Variants in ABI1 observed in about 807,000 individuals in gnomAD.
ABI1 encodes the protein Abelson interactor 1.
A neutral mutation model predicts 54.6 loss-of-function variants in ABI1; 14 were observed. The observed-to-expected ratio is 0.26, with a 90% CI of 0.17 to 0.40. The LOEUF (loss-of-function observed/expected upper bound fraction) is 0.40, where lower values mean the gene tolerates loss of function less well. ABI1 is among the 10% of genes least tolerant of loss of function. The pLI, the probability that ABI1 is intolerant of heterozygous loss-of-function variation, is 1.00. For synonymous variants in ABI1, 194 were observed against 209.3 expected, an observed-to-expected ratio of 0.93 and a Z score of 0.63; for missense variants, 443 against 598.3, an observed-to-expected ratio of 0.74 and a Z score of 2.71.
intron 2 of ABI1, among the ~76,000 whole-genome samples, chr10:26,808,580 G>A (rs541436216): frequency 2.6e-5 from 4 of 151,976 alleles, no homozygotes; most frequent in Admixed American, 2.0e-4. Flanking sequence ...AAAATTAGCC[G>A]GGCATGGTGG....
chr10:26,836,305 G>C (rs978496999), intron 1 of ABI1, among the ~76,000 whole-genome samples: 1 of 151,744 alleles, frequency 6.6e-6, no homozygotes, highest in African/African-American at 2.4e-5. Flanking sequence ...TAGAGACAGG[G>C]TTTCACCATG....
At chr10:26,848,184 G>C (rs185371737) in intron 1 of ABI1, among the ~76,000 whole-genome samples, 1 of 127,342 alleles carries the variant, frequency 7.9e-6, no homozygotes, top group African/African-American at 3.1e-5. Context: ...CTGGGCAACA[G>C]AGCGAGACCC....
At chr10:26,799,507 A>G (rs1159032379) in intron 2 of ABI1, among the ~76,000 whole-genome samples, 1 of 152,218 alleles carries the variant, frequency 6.6e-6, no homozygotes, top group Admixed American at 6.5e-5. Context: ...GTGCAACTGC[A>G]CATAAAACTG....
chr10:26,763,535 A>AC (rs1839507196), intron 7 of ABI1, among the ~76,000 whole-genome samples: 1 of 152,052 alleles, frequency 6.6e-6, no homozygotes, highest in Non-Finnish European at 1.5e-5. Flanking sequence ...CTTCACCCTG[A>AC]TCCTTTGACT....
intron 1 of ABI1, among the ~76,000 whole-genome samples, chr10:26,855,863 C>T (rs1038608509): frequency 1.3e-5 from 2 of 149,508 alleles, no homozygotes; most frequent in East Asian, 3.9e-4. Context: ...CTCAACTACT[C>T]GGGAGGCTGG....
chr10:26,860,606 G>C lies in ABI1; in HGVS notation c.117+141C>G, dbSNP rs745439241. ...GGCCACTCGCTCTGTCCCCGGTTGG[G>C]GCTGGGGTTGGGGCTGCGGTAGGGG... is the stretch of plus-strand genomic sequence containing the variant. On this transcript the variant is annotated intron_variant, in intron 1 of 10. Transcript: ENST00000376140. The surrounding 1 kb of genome is among the most constrained non-coding windows in gnomAD (Gnocchi z 4.1). The C allele has an allele frequency of 1.5e-6, 1 of 683,750 alleles. No individual in the cohort carries two copies. Among genetic ancestry groups the C allele is most frequent in the Non-Finnish European group, 2.6e-6 (1 of 387,334 alleles). The allele number at this position is 683,750 out of a possible 1,614,324, so 42.4% of individuals were successfully genotyped here. A position where few individuals can be genotyped will look rare whatever the true frequency, so the allele number is the denominator to read the frequency against.
chr10:26,805,284 G>C (rs921247840), intron 2 of ABI1, among the ~76,000 whole-genome samples: 1 of 152,120 alleles, frequency 6.6e-6, no homozygotes, highest in Non-Finnish European at 1.5e-5. Context: ...TGAAGACTCA[G>C]ACTTCAGAGG....
chr10:26,766,969 G>C (rs1051701975), intron 6 of ABI1, among the ~76,000 whole-genome samples: 3 of 152,124 alleles, frequency 2.0e-5, no homozygotes, highest in African/African-American at 7.2e-5. Context: ...CTGAGTAATT[G>C]CATCAGAAAC....
intron 10 of ABI1, among the ~76,000 whole-genome samples, chr10:26,749,805 T>C (rs1837384456): frequency 6.6e-6 from 1 of 152,248 alleles, no homozygotes; most frequent in South Asian, 2.1e-4. Context: ...CACATCTACT[T>C]ACTCATGTAT....
At chr10:26,843,468 A>T (rs2049699405) in intron 1 of ABI1, among the ~76,000 whole-genome samples, 2 of 84,666 alleles carry the variant, frequency 2.4e-5, no homozygotes, top group Admixed American at 3.2e-4. Context: ...AAAAAAAAAA[A>T]AAAAAAAAAA....
At position 26,860,780 on chromosome 10, in the gene ABI1, C is replaced by T. The variant is rs776477058; in HGVS notation, c.84G>A (p.Arg28=). The T allele has an allele frequency of 6.2e-7, 1 of 1,614,020 alleles. No homozygotes were observed. Among genetic ancestry groups the T allele is most frequent in the Admixed American group, 1.7e-5 (1 of 60,008 alleles). Residue 28 remains arginine (R), a synonymous_variant, in exon 1 of 11, where the codon CGG becomes CGA. Coordinates refer to ENST00000376140, the MANE Select transcript of ABI1 (RefSeq NM_001012750.3). This position sits in a 1 kb window ranked among gnomAD's most constrained non-coding sequence, Gnocchi z 4.1. ...AGTTGTTTTCACAGTAGTCTGCCAC[C>T]CGAGTCAGGTTCTGGTAACTCTCGA... ...ALIESYQNLT[R]VADYCENNYI...
intron 1 of ABI1, among the ~76,000 whole-genome samples, chr10:26,854,745 C>A (rs1224647514): frequency 6.6e-6 from 1 of 152,226 alleles, no homozygotes; most frequent in Non-Finnish European, 1.5e-5. Flanking sequence ...TCCTGAATCA[C>A]TTTGACTGTT....
intron 1 of ABI1, among the ~76,000 whole-genome samples, chr10:26,853,918 T>A (rs2050614550): frequency 6.6e-6 from 1 of 152,202 alleles, no homozygotes; most frequent in African/African-American, 2.4e-5. Context: ...TAGAGTTTGA[T>A]CCAACCTCTT....
intron 2 of ABI1, among the ~76,000 whole-genome samples, chr10:26,795,512 C>T (rs1160872345): frequency 1.3e-5 from 2 of 152,040 alleles, no homozygotes; most frequent in Admixed American, 6.5e-5. Flanking sequence ...AAAGATCCCA[C>T]AGAAAAGATA....
chr10:26,768,838 A>T lies in ABI1; in HGVS notation c.719+14T>A. On this transcript the variant is annotated intron_variant, in intron 6 of 10. Coordinates refer to ENST00000376140, the MANE Select transcript of ABI1 (RefSeq NM_001012750.3). ...CACTTTAGAGATGTTGAGATACTCAACCTAAAGGCTTACCTGTGTGTCCTT... is the reference window on the plus strand; with the variant it reads ...CACTTTAGAGATGTTGAGATACTCATCCTAAAGGCTTACCTGTGTGTCCTT... The T allele has an allele frequency of 6.2e-7, 1 of 1,606,898 alleles. No homozygotes were observed. The highest frequency in any genetic ancestry group is 8.5e-7 in the Non-Finnish European group (1 of 1,176,480).
Position 26,860,736 on chromosome 10 carries a change from G to C in ABI1, c.117+11C>G. ...CCCGGCCAGCGCCCGCCGGCCGCCAGAGCGCCTCACCTGTATGTAGTTGTT... is the reference window on the plus strand; with the variant it reads ...CCCGGCCAGCGCCCGCCGGCCGCCACAGCGCCTCACCTGTATGTAGTTGTT... On this transcript the variant is annotated intron_variant, in intron 1 of 10. Coordinates refer to ENST00000376140, the MANE Select transcript of ABI1 (RefSeq NM_001012750.3). This position sits in a 1 kb window ranked among gnomAD's most constrained non-coding sequence, Gnocchi z 4.1. 6.2e-7 allele frequency: 1 copy of C among 1,610,368 alleles called. No homozygotes were observed. The highest frequency in any genetic ancestry group is 8.5e-7 in the Non-Finnish European group (1 of 1,176,918).
chr10:26,798,968 AAAAG>A (rs2046372668), intron 2 of ABI1, among the ~76,000 whole-genome samples: 1 of 152,196 alleles, frequency 6.6e-6, no homozygotes, highest in Non-Finnish European at 1.5e-5. Flanking sequence ...AAGTTAATCC[AAAAG>A]AAAGAAAGGA....
At chr10:26,843,453 C>CAAAAAAAAAAAAAAAA (rs147957853) in intron 1 of ABI1, among the ~76,000 whole-genome samples, 1 of 53,084 alleles carries the variant, frequency 1.9e-5, no homozygotes, top group Non-Finnish European at 4.0e-5. Flanking sequence ...GACTCCGTCT[C>CAAAAAAAAAAAAAAAA]AAAAAAAAAA....
intron 2 of ABI1, among the ~76,000 whole-genome samples, chr10:26,806,590 G>A (rs1337448788): frequency 6.6e-6 from 1 of 152,184 alleles, no homozygotes. Context: ...AGTAATTCCT[G>A]TGGCACCATC....
Sources: gnomAD v4.1 joint callset for allele counts (sites outside exome capture counted in the v4.1 genomes callset) on GRCh38, gnomAD v4.1.1 for gene constraint, Gnocchi (gnomAD v3.1) non-coding constraint, MANE v1.5 for transcripts, NCBI Gene and HGNC (gene_info 2026-07-23, HGNC 2026-07-21) for gene names.